The following SIPA1L1 variants were observed in gnomAD, a reference collection of about 807,000 sequenced individuals.
SIPA1L1 encodes the protein signal-induced proliferation-associated 1-like protein 1.
SIPA1L1 carries 26 observed loss-of-function variants against 162.7 expected under a neutral mutation model. The observed-to-expected ratio is 0.16, with a 90% confidence interval of 0.12 to 0.22. The LOEUF (loss-of-function observed/expected upper bound fraction) is 0.22, where lower values mean the gene tolerates loss of function less well. Ranked by LOEUF, SIPA1L1 falls within the 10% of genes least tolerant of loss-of-function variation. The pLI, the probability that SIPA1L1 is intolerant of heterozygous loss-of-function variation, is 1.00. For missense variants in SIPA1L1, 1,874 were observed against 2,241.0 expected, an observed-to-expected ratio of 0.84 and a Z score of 3.31; for synonymous variants, 829 against 837.4, an observed-to-expected ratio of 0.99 and a Z score of 0.17.
intron 2 of SIPA1L1, among the ~76,000 whole-genome samples, chr14:71,506,358 G>A (rs2050668463): frequency 6.6e-6 from 1 of 151,740 alleles, no homozygotes; most frequent in South Asian, 2.1e-4. Flanking sequence ...TATATTTTTG[G>A]AGACAGAGTT....
chr14:71,363,100 A>T (rs2037964305), intron 2 of SIPA1L1, among the ~76,000 whole-genome samples: 1 of 152,226 alleles, frequency 6.6e-6, no homozygotes, highest in Admixed American at 6.5e-5. Flanking sequence ...GAAAGGGATT[A>T]TCCTTTCTTC....
intron 2 of SIPA1L1, among the ~76,000 whole-genome samples, chr14:71,436,107 C>T (rs958760057): frequency 1.9e-5 from 2 of 107,470 alleles, no homozygotes; most frequent in African/African-American, 5.3e-5. Context: ...AACATACTAT[C>T]GTGTGCTTAA....
chr14:71,574,819 C>G (rs1277314854), intron 4 of SIPA1L1: 1 of 151,872 alleles, frequency 6.6e-6, no homozygotes, highest in Non-Finnish European at 1.5e-5. Context: ...CAAGTTAATA[C>G]ATTTGTGAGG....
chr14:71,723,597 C>G, intron 17 of SIPA1L1, 50 bp from the exon 18 acceptor site: 1 of 1,606,050 alleles, frequency 6.2e-7, no homozygotes, highest in South Asian at 1.1e-5. Flanking sequence ...ACTTTTATAG[C>G]TGACATAATG....
At chr14:71,657,853 C>T (rs529966613) in intron 8 of SIPA1L1, among the ~76,000 whole-genome samples, 26 of 152,126 alleles carry the variant, frequency 1.7e-4, no homozygotes, top group Non-Finnish European at 3.2e-4. Flanking sequence ...TCATTATGGC[C>T]ATAGGCAGTA....
chr14:71,408,661 C>T (rs1221461649), intron 2 of SIPA1L1, among the ~76,000 whole-genome samples: 4 of 152,128 alleles, frequency 2.6e-5, no homozygotes, highest in African/African-American at 9.7e-5. Flanking sequence ...TTTTTCCCCC[C>T]TGGTTTTGGA....
Position 71,589,158 on chromosome 14 carries a change from T to C in SIPA1L1, c.1286T>C (p.Ile429Thr). Residue 429 changes from isoleucine (I) to threonine (T), a missense_variant, in exon 5 of 24, where the codon ATC becomes ACC. By Grantham distance (89) the Ile-to-Thr change is moderately conservative. Around this residue, in one of 5 missense-constraint regions of SIPA1L1, gnomAD observed 685 missense variants for 828.0 expected, o/e 0.83. Coordinates refer to ENST00000381232, the MANE Select transcript of SIPA1L1 (RefSeq NM_001386936.1). ...ATAGGTGGAGAAGGGGAGAGGAAAA[T>C]CAGCCTTTCAAAATCAAATTCTGGC... ...NEIGGEGERK[I>T]SLSKSNSGSF... 1.9e-6 allele frequency: 3 copies of C among 1,614,052 alleles called. No homozygotes were observed. The highest frequency in any genetic ancestry group is 2.5e-6 in the Non-Finnish European group (3 of 1,179,958).
chr14:71,726,674 T>C (rs541177929), intron 19 of SIPA1L1, among the ~76,000 whole-genome samples: 181 of 152,360 alleles, frequency 1.2e-3, no homozygotes, highest in Non-Finnish European at 2.2e-3. Flanking sequence ...AGAAAGTGCT[T>C]CTGCTGGCTA....
intron 5 of SIPA1L1, among the ~76,000 whole-genome samples, chr14:71,591,733 T>C (rs542464041): frequency 6.6e-6 from 1 of 152,308 alleles, no homozygotes; most frequent in South Asian, 2.1e-4. Context: ...TTCTACTCTT[T>C]TAAATTCTTA....
At position 71,474,238 on chromosome 14, in the gene SIPA1L1, C is replaced by T. The variant is rs560967633; in HGVS notation, c.-464-38505C>T. 6.6e-5 allele frequency among the ~76,000 whole-genome samples: 10 copies of T among 152,316 alleles called. No homozygotes were observed. The South Asian group carries it at 1.0e-3, about 16-fold the overall frequency. ...GAGCTGAGACTTCTCCCAGTACAAG[C>T]TATGATCAACTATGAAGTTAGCTGG... is the stretch of plus-strand genomic sequence containing the variant. On this transcript the variant is annotated intron_variant, in intron 2 of 23. Transcript: ENST00000381232.
intron 2 of SIPA1L1, among the ~76,000 whole-genome samples, chr14:71,450,936 A>G (rs530562267): frequency 1.4e-4 from 22 of 152,228 alleles, no homozygotes; most frequent in Non-Finnish European, 2.9e-4. Context: ...CAGTGTTTGA[A>G]GAAGTATCAG....
intron 2 of SIPA1L1, among the ~76,000 whole-genome samples, chr14:71,395,148 A>T (rs1406748497): frequency 2.0e-5 from 3 of 152,224 alleles, no homozygotes; most frequent in African/African-American, 7.2e-5. Context: ...ATACACTTCA[A>T]ATACTTTCAA....
At position 71,666,306 on chromosome 14, in the gene SIPA1L1, A is replaced by G. The variant is rs79078028; in HGVS notation, c.2256-4813A>G. On this transcript the variant is annotated intron_variant, in intron 10 of 23. Coordinates refer to ENST00000381232, the MANE Select transcript of SIPA1L1 (RefSeq NM_001386936.1). Reference sequence around the variant, plus strand: ...GACCCTGAATAACTCTGCAGACACAATGCCCCATTTCTTCAACAAGTAAGT... The same window carrying G: ...GACCCTGAATAACTCTGCAGACACAGTGCCCCATTTCTTCAACAAGTAAGT... 4.8e-3 allele frequency among the ~76,000 whole-genome samples: 728 copies of G among 152,340 alleles called. 4 individuals carry two copies. Among genetic ancestry groups the G allele is most frequent in the African/African-American group, 0.017 (708 of 41,584 alleles).
chr14:71,639,056 C>G (rs1289127902), intron 7 of SIPA1L1, among the ~76,000 whole-genome samples: 1 of 152,144 alleles, frequency 6.6e-6, no homozygotes, highest in Non-Finnish European at 1.5e-5. Context: ...GGGCATGCAT[C>G]TAACAAAACA....
At chr14:71,342,150 T>C (rs1229754334) in intron 2 of SIPA1L1, among the ~76,000 whole-genome samples, 1 of 152,084 alleles carries the variant, frequency 6.6e-6, no homozygotes, top group African/African-American at 2.4e-5. Context: ...ACTGTTGTTG[T>C]GCCCCACCAT....
chr14:71,450,212 CTTTATA>C (rs967425400), intron 2 of SIPA1L1, among the ~76,000 whole-genome samples: 3 of 151,936 alleles, frequency 2.0e-5, no homozygotes, highest in East Asian at 1.9e-4. Flanking sequence ...ATATATGTAA[CTTTATA>C]TTTAGATTTA....
intron 4 of SIPA1L1, among the ~76,000 whole-genome samples, chr14:71,539,451 A>G (rs2054190407): frequency 6.6e-6 from 1 of 152,222 alleles, no homozygotes. Flanking sequence ...CATTGAACAA[A>G]TATGACATAT....
intron 2 of SIPA1L1, among the ~76,000 whole-genome samples, chr14:71,375,987 G>T (rs2039337572): frequency 6.6e-6 from 1 of 152,022 alleles, no homozygotes; most frequent in East Asian, 1.9e-4. Context: ...AAAGATTTTT[G>T]TGCCTCAATT....
At chr14:71,393,248 A>G (rs2040908616) in intron 2 of SIPA1L1, among the ~76,000 whole-genome samples, 1 of 152,230 alleles carries the variant, frequency 6.6e-6, no homozygotes, top group Admixed American at 6.5e-5. Flanking sequence ...AATATTTTCA[A>G]TAAGAAACAC....
Sources: allele counts gnomAD v4.1 joint callset (sites outside exome capture counted in the v4.1 genomes callset), GRCh38; gene constraint gnomAD v4.1.1; regional missense constraint gnomAD v4.1.1; transcripts MANE v1.5; gene names NCBI Gene and HGNC (gene_info 2026-07-23, HGNC 2026-07-21).